The following TTC23 variants were observed in gnomAD, a reference collection of about 807,000 sequenced individuals.
The protein encoded by TTC23 is tetratricopeptide repeat protein 23.
Under a neutral mutation model 55.1 loss-of-function variants are expected in TTC23, and 58 were observed. That is an observed-to-expected ratio of 1.05 (90% CI 0.85 to 1.31). The LOEUF is 1.31. Ranked by LOEUF, TTC23 falls within the 50% of genes most tolerant of loss-of-function variation. TTC23 has a pLI of 0.00. For missense variants in TTC23, 516 were observed against 534.4 expected, an observed-to-expected ratio of 0.97 and a Z score of 0.34; for synonymous variants, 203 against 199.9, an observed-to-expected ratio of 1.02 and a Z score of -0.13.
chr15:99,169,671 G>A (rs1267672158), intron 10 of TTC23, among the ~76,000 whole-genome samples: 1 of 152,176 alleles, frequency 6.6e-6, no homozygotes, highest in South Asian at 2.1e-4. Flanking sequence ...GTCGTGTAAG[G>A]TAAAAAAGAG....
chr15:99,168,931 C>T (rs2072532319), intron 10 of TTC23, among the ~76,000 whole-genome samples: 1 of 152,180 alleles, frequency 6.6e-6, no homozygotes, highest in South Asian at 2.1e-4. Context: ...ACCTGGGTTC[C>T]ATTCTAGGCC....
At chr15:99,206,059 C>T (rs1360236452) in intron 8 of TTC23, among the ~76,000 whole-genome samples, 2 of 152,094 alleles carry the variant, frequency 1.3e-5, no homozygotes, top group Non-Finnish European at 2.9e-5. Flanking sequence ...TATCAAATGC[C>T]TTTTCAGCAT....
At chr15:99,239,253 G>A (rs1368614336) in intron 3 of TTC23, among the ~76,000 whole-genome samples, 4 of 152,138 alleles carry the variant, frequency 2.6e-5, no homozygotes, top group South Asian at 2.1e-4. Context: ...GTGGGAGGTC[G>A]AGGCATGCAG....
chr15:99,192,679 G>A (rs894057880), intron 9 of TTC23, among the ~76,000 whole-genome samples: 1 of 152,244 alleles, frequency 6.6e-6, no homozygotes, highest in African/African-American at 2.4e-5. Flanking sequence ...CAGTACAGAA[G>A]GGAAATGTGG....
At chr15:99,171,431 T>G (rs756118271) in intron 10 of TTC23, among the ~76,000 whole-genome samples, 37 of 151,866 alleles carry the variant, frequency 2.4e-4, no homozygotes, top group Non-Finnish European at 4.4e-4. Context: ...CCTCCGAGGG[T>G]TGTTAAAAGG....
chr15:99,153,293 C>G (rs1555497883), intron 12 of TTC23, among the ~76,000 whole-genome samples: 1 of 152,244 alleles, frequency 6.6e-6, no homozygotes, highest in Non-Finnish European at 1.5e-5. Flanking sequence ...TCATATTTGT[C>G]TTGGTCACAG....
intron 9 of TTC23, among the ~76,000 whole-genome samples, chr15:99,184,598 A>G (rs993366682): frequency 2.0e-5 from 3 of 152,206 alleles, no homozygotes; most frequent in African/African-American, 2.4e-5. Context: ...TATTTACCCA[A>G]TATCTGTACC....
intron 5 of TTC23, among the ~76,000 whole-genome samples, chr15:99,224,001 C>T (rs1366043469): frequency 6.6e-6 from 1 of 152,192 alleles, no homozygotes; most frequent in African/African-American, 2.4e-5. Flanking sequence ...GCACGCCCAT[C>T]AATGTCAAAG....
At chr15:99,215,906 T>C (rs1369106329) in intron 8 of TTC23, among the ~76,000 whole-genome samples, 1 of 151,622 alleles carries the variant, frequency 6.6e-6, no homozygotes, top group Non-Finnish European at 1.5e-5. Context: ...GAAAAGGAAA[T>C]TTAAACCCAA....
chr15:99,191,382 G>C (rs973006097), intron 9 of TTC23, among the ~76,000 whole-genome samples: 56 of 152,186 alleles, frequency 3.7e-4, no homozygotes, highest in African/African-American at 1.3e-3. Flanking sequence ...GGCTCTTGGA[G>C]GCCATCTTTC....
At chr15:99,196,613 A>G (rs1015958398) in intron 9 of TTC23, among the ~76,000 whole-genome samples, 32 of 152,136 alleles carry the variant, frequency 2.1e-4, no homozygotes, top group African/African-American at 7.5e-4. Context: ...TACTCCACAC[A>G]TATCTCTCAG....
At chr15:99,166,308 C>A (rs767423096) in intron 10 of TTC23, among the ~76,000 whole-genome samples, 2 of 152,288 alleles carry the variant, frequency 1.3e-5, no homozygotes, top group African/African-American at 2.4e-5. Flanking sequence ...CGAAAAGCAC[C>A]CTGTTTGGGC....
intron 9 of TTC23, 88 bp from the exon 10 acceptor site, chr15:99,175,243 G>T: frequency 1.9e-6 from 2 of 1,042,850 alleles, no homozygotes; most frequent in Non-Finnish European, 2.8e-6. Flanking sequence ...TAAGCAGAAA[G>T]CCAAGGAACT....
chr15:99,214,693 C>T (rs1475035045), intron 8 of TTC23, among the ~76,000 whole-genome samples: 1 of 151,582 alleles, frequency 6.6e-6, no homozygotes, highest in East Asian at 2.0e-4. Context: ...CCTCTCAAAG[C>T]GCTGGGATTA....
intron 4 of TTC23, among the ~76,000 whole-genome samples, chr15:99,234,352 TTATTTATTTATC>T (rs2152079813): frequency 6.6e-6 from 1 of 152,216 alleles, no homozygotes; most frequent in South Asian, 2.1e-4. Flanking sequence ...GGCAATTTAT[TTATTTATTTATC>T]TATTTATTTA....
At chr15:99,158,433 A>AC (rs1454655833) in intron 11 of TTC23, 2 of 152,230 alleles carry the variant, frequency 1.3e-5, no homozygotes, top group East Asian at 3.9e-4. Flanking sequence ...GTTAAATGGC[A>AC]CGGGTTTCTA....
At chr15:99,220,284 A>G (rs1268139448) in intron 6 of TTC23, among the ~76,000 whole-genome samples, 1 of 152,232 alleles carries the variant, frequency 6.6e-6, no homozygotes, top group Non-Finnish European at 1.5e-5. Context: ...AAGGTTATGC[A>G]TGGAAAACAA....
At chr15:99,241,867 G>A (rs761623230) in intron 2 of TTC23, among the ~76,000 whole-genome samples, 1 of 152,194 alleles carries the variant, frequency 6.6e-6, no homozygotes, top group African/African-American at 2.4e-5. Flanking sequence ...AGGGACGGTG[G>A]CTCATGCCTG....
Position 99,138,033 on chromosome 15 carries a change from G to T in TTC23, c.1321C>A (p.Arg441=). 6.2e-7 allele frequency: 1 copy of T among 1,614,048 alleles called. No homozygotes were observed. The highest frequency in any genetic ancestry group is 8.5e-7 in the Non-Finnish European group (1 of 1,180,002). ...IPQDTLLGKA[R]PGTTAD The stretch of plus-strand genomic sequence containing the variant: ...CCTCAGTCTGCTGTTGTGCCGGGCC[G>T]GGCCTTCCCCAGCAGGGTGTCCTGA... Residue 441 remains arginine (R), a synonymous_variant, in exon 14 of 14, where the codon CGG becomes AGG. Transcript: ENST00000394132.
Sources: allele counts gnomAD v4.1 joint callset (sites outside exome capture counted in the v4.1 genomes callset), GRCh38; gene constraint gnomAD v4.1.1; transcripts MANE v1.5; gene names NCBI Gene and HGNC (gene_info 2026-07-23, HGNC 2026-07-21).